EHMT1: variants seen among roughly 807,000 people sequenced by gnomAD.
EHMT1 encodes the protein histone-lysine N-methyltransferase EHMT1.
Under a neutral mutation model 147.2 loss-of-function variants are expected in EHMT1, and 15 were observed. The ratio of observed to expected loss-of-function variants is 0.10; its 90% CI spans 0.07 to 0.16. The LOEUF (loss-of-function observed/expected upper bound fraction) is 0.16. EHMT1 is among the 10% of genes least tolerant of loss of function. The pLI is 1.00. For synonymous variants in EHMT1, 795 were observed against 709.6 expected (o/e 1.12, Z -1.91); for missense variants, 1,587 against 1,772.4 (o/e 0.90, Z 1.88).
In EHMT1 at chr9:137,662,800, A is replaced by T. The variant is rs11137170; in HGVS notation, c.21+43751A>T. On this transcript the variant is annotated intron_variant, in intron 1 of 26. Transcript: ENST00000460843. ...ATTTTATTTATTTATTTATTTATTTATTTATTTATTTTTGACAGAGTCTTG... is the reference window on the plus strand; with the variant it reads ...ATTTTATTTATTTATTTATTTATTTTTTTATTTATTTTTGACAGAGTCTTG... 1.1e-3 allele frequency among the ~76,000 whole-genome samples: 98 copies of T among 93,050 alleles called. 2 individuals carry two copies. The highest frequency in any genetic ancestry group is 2.3e-3 in the African/African-American group (51 of 22,372). 61.0% of individuals were successfully genotyped at this position (93,050 alleles called of 152,430 possible).
intron 1 of EHMT1, among the ~76,000 whole-genome samples, chr9:137,695,472 C>T (rs1943327219): frequency 6.6e-6 from 1 of 152,234 alleles, no homozygotes; most frequent in Non-Finnish European, 1.5e-5. Context: ...CCCTGAAACT[C>T]GGTGGCTGAA....
intron 1 of EHMT1, among the ~76,000 whole-genome samples, chr9:137,673,555 T>C (rs1028076929): frequency 2.0e-5 from 3 of 151,808 alleles, no homozygotes. Context: ...TGCCAGGGAG[T>C]GTGTGGAGGT....
chr9:137,668,345 C>T (rs1305496744), intron 1 of EHMT1, among the ~76,000 whole-genome samples: 1 of 151,888 alleles, frequency 6.6e-6, no homozygotes, highest in African/African-American at 2.4e-5. Flanking sequence ...ACCCACCCAC[C>T]ACCTGGCACA....
At chr9:137,814,815 T>C (rs1467635043) in intron 22 of EHMT1, 2 of 545,650 alleles carry the variant, frequency 3.7e-6, no homozygotes, top group Non-Finnish European at 6.6e-6. Flanking sequence ...GCTTATGTTG[T>C]GTGTATCTGG....
chr9:137,619,837 T>C (rs1183341169), intron 1 of EHMT1, among the ~76,000 whole-genome samples: 1 of 151,906 alleles, frequency 6.6e-6, no homozygotes, highest in Non-Finnish European at 1.5e-5. Flanking sequence ...ACCACTGGCG[T>C]CCCTCTGAAG....
In EHMT1 at chr9:137,696,335, G is replaced by A. The variant is rs183357281; in HGVS notation, c.22-14632G>A. On this transcript the variant is annotated intron_variant, in intron 1 of 26. Transcript: ENST00000460843. ...AGTTGCTTCCCATCTTGGAGAAGCC[G>A]TTTGGCATTTAAAGTTCCTTCTTGC... Among the ~76,000 whole-genome samples, 138 of 152,306 alleles carry A rather than the reference G, an allele frequency of 9.1e-4. 1 individual carries two copies. The highest frequency in any genetic ancestry group is 3.2e-3 in the African/African-American group (132 of 41,570).
At chr9:137,817,391 A>G (rs1482334863) in intron 23 of EHMT1, 48 bp from the exon 24 acceptor site, 1 of 1,609,926 alleles carries the variant, frequency 6.2e-7, no homozygotes. Context: ...CATTGTGGCA[A>G]CAGGCTGAGG....
At chr9:137,750,647 C>T (rs756597459) in intron 6 of EHMT1, among the ~76,000 whole-genome samples, 7 of 152,208 alleles carry the variant, frequency 4.6e-5, no homozygotes, top group Admixed American at 2.0e-4. Context: ...AAGATCCTAG[C>T]AGGACTTTTG....
chr9:137,620,892 T>A (rs1375160458), intron 1 of EHMT1, among the ~76,000 whole-genome samples: 1 of 152,236 alleles, frequency 6.6e-6, no homozygotes, highest in Admixed American at 6.5e-5. Flanking sequence ...CTGTGTTGAC[T>A]GAGCCCTGAC....
At chr9:137,724,951 C>CGTGGCATTCCTGTGGCAGGT (rs1554851363) in intron 3 of EHMT1, among the ~76,000 whole-genome samples, 34 of 143,470 alleles carry the variant, frequency 2.4e-4, no homozygotes, top group African/African-American at 8.7e-4. Flanking sequence ...GTGGGGCAGG[C>CGTGGCATTCCTGTGGCAGGT]GTGTGGCATT....
chr9:137,696,621 T>C (rs1943415167), intron 1 of EHMT1, among the ~76,000 whole-genome samples: 1 of 152,200 alleles, frequency 6.6e-6, no homozygotes, highest in South Asian at 2.1e-4. Context: ...TTCCTTCTAA[T>C]AGTCTCCCCC....
chr9:137,658,209 G>A (rs550303218), intron 1 of EHMT1, among the ~76,000 whole-genome samples: 10 of 152,194 alleles, frequency 6.6e-5, no homozygotes, highest in Admixed American at 2.6e-4. Flanking sequence ...GGAGTGCTGC[G>A]GCATGATCTT....
rs1042639606 is a variant in EHMT1 at position 137,710,848 on chromosome 9, G to C, written c.22-119G>C. The C allele has an allele frequency of 5.3e-6, 6 of 1,140,380 alleles. No individual in the cohort carries two copies. In the African/African-American group the frequency reaches 9.2e-5, roughly 17 times the overall value. The allele number at this position is 1,140,380 out of a possible 1,614,324, so 70.6% of individuals were successfully genotyped here. On this transcript the variant is annotated intron_variant, in intron 1 of 26. Coordinates refer to ENST00000460843, the MANE Select transcript of EHMT1 (RefSeq NM_024757.5). ...CCAGCTGGCAGGAGTAAATCTGACT[G>C]TCCAGCAGCTCATGGTGAATGTTGT...
intron 15 of EHMT1, chr9:137,788,141 G>A: frequency 3.8e-6 from 4 of 1,050,404 alleles, no homozygotes; most frequent in Non-Finnish European, 4.0e-6. Context: ...GCAGGGGTGG[G>A]GTGGTCACTG....
chr9:137,797,516 C>G (rs1564781192), intron 16 of EHMT1, among the ~76,000 whole-genome samples: 1 of 152,224 alleles, frequency 6.6e-6, no homozygotes, highest in Admixed American at 6.5e-5. Flanking sequence ...CTGTGACAGT[C>G]TGCCAGCAGT....
intron 1 of EHMT1, among the ~76,000 whole-genome samples, chr9:137,688,666 T>C (rs904590805): frequency 2.0e-5 from 3 of 152,256 alleles, no homozygotes; most frequent in Non-Finnish European, 4.4e-5. Context: ...GAAAATAAAA[T>C]TTTAATAGAT....
intron 14 of EHMT1, among the ~76,000 whole-genome samples, chr9:137,781,071 G>GACGTGTGGT (rs1564748214): frequency 5.5e-4 from 7 of 12,702 alleles, no homozygotes; most frequent in Non-Finnish European, 8.7e-4. Context: ...GATGACGCCG[G>GACGTGTGGT]GATGTGTGGT....
intron 9 of EHMT1, among the ~76,000 whole-genome samples, chr9:137,761,515 A>T (rs910347457): frequency 1.3e-5 from 2 of 152,224 alleles, no homozygotes; most frequent in African/African-American, 4.8e-5. Context: ...GTGCAGTGGC[A>T]CAATCTCAGC....
At position 137,716,941 on chromosome 9, in the gene EHMT1, C is replaced by T. The variant is rs372415033; in HGVS notation, c.401C>T (p.Ala134Val). 19 of 1,612,834 alleles carry T rather than the reference C, an allele frequency of 1.2e-5. No homozygotes were observed. Among genetic ancestry groups the T allele is most frequent in the Non-Finnish European group, 1.5e-5 (18 of 1,179,858 alleles). ...GYILNKPALQAQPLRTTSTLA... is the reference protein window; with the variant it reads ...GYILNKPALQVQPLRTTSTLA... The stretch of plus-strand genomic sequence containing the variant: ...ATCTTAAATAAGCCGGCCCTACAGG[C>T]ACAGCCCTTGAGGACTACCAGCACT... The change falls in exon 3 of 27, where the codon GCA becomes GTA. Residue 134 changes from alanine (A) to valine (V), a missense_variant. By Grantham distance (64) the Ala-to-Val change is moderately conservative (BLOSUM62 0). Coordinates refer to ENST00000460843, the MANE Select transcript of EHMT1 (RefSeq NM_024757.5).
Sources: allele counts gnomAD v4.1 joint callset (sites outside exome capture counted in the v4.1 genomes callset), GRCh38; gene constraint gnomAD v4.1.1; transcripts MANE v1.5; gene names NCBI Gene and HGNC (gene_info 2026-07-23, HGNC 2026-07-21).